HMCN1: variants seen among roughly 807,000 people sequenced by gnomAD.
The protein encoded by HMCN1 is hemicentin 1, also known as hemicentin-1.
Under a neutral mutation model 625.9 loss-of-function variants are expected in HMCN1, and 321 were observed. That is an observed-to-expected ratio of 0.51 (90% confidence interval 0.47 to 0.56). HMCN1 has a LOEUF of 0.56. HMCN1 is among the 20% of genes least tolerant of loss of function. The pLI is 0.00. For missense variants in HMCN1, 6,588 were observed against 6,887.3 expected, an observed-to-expected ratio of 0.96 and a Z score of 1.54; for synonymous variants, 2,425 against 2,417.6, an observed-to-expected ratio of 1.00 and a Z score of -0.09.
chr1:186,048,768 C>G lies in HMCN1; in HGVS notation c.6506C>G (p.Thr2169Ser). 1.2e-6 allele frequency: 2 copies of G among 1,610,504 alleles called. No homozygotes were observed. Among genetic ancestry groups the G allele is most frequent in the Non-Finnish European group, 1.7e-6 (2 of 1,177,206 alleles). Reference sequence around the variant, plus strand: ...ATTGAAGATGCTCAGGTTCAAGACACTGGTCGTTACACTTGTGAAGCAACA... The same window carrying G: ...ATTGAAGATGCTCAGGTTCAAGACAGTGGTCGTTACACTTGTGAAGCAACA... ...LKIEDAQVQD[T>S]GRYTCEATNV... The change falls in exon 42 of 107, where the codon ACT becomes AGT. Residue 2169 changes from threonine (T) to serine (S), a missense_variant. By Grantham distance (58) the Thr-to-Ser change is moderately conservative. Transcript: ENST00000271588.
In HMCN1 at chr1:186,144,168, T is replaced by G; in HGVS notation, c.13925-5T>G. ...ACTTGCAACTGTCTTTTGGGGTGTT[T>G]GCAGTTCATGGAGCATGGAGCGCTT... On this transcript the variant is annotated splice_region_variant and splice_polypyrimidine_tract_variant and intron_variant, in intron 89 of 106. Transcript: ENST00000271588. 1 of 1,587,768 alleles carries G rather than the reference T, an allele frequency of 6.3e-7. No individual in the cohort carries two copies. The highest frequency in any genetic ancestry group is 8.6e-7 in the Non-Finnish European group (1 of 1,168,506).
At chr1:185,925,002 C>T in intron 8 of HMCN1, 45 bp from the exon 9 acceptor site, 2 of 1,532,636 alleles carry the variant, frequency 1.3e-6, no homozygotes, top group South Asian at 1.2e-5. Context: ...TCATTGTGAC[C>T]TTCTTGCTTA....
intron 1 of HMCN1, among the ~76,000 whole-genome samples, chr1:185,809,395 A>C (rs1277563861): frequency 6.6e-6 from 1 of 152,006 alleles, no homozygotes; most frequent in Non-Finnish European, 1.5e-5. Context: ...CACAACATAC[A>C]TGTGATTATA....
Position 186,125,741 on chromosome 1 carries a change from T to C in HMCN1, c.12637T>C (p.Leu4213=). ...KKDNVLLANL[L]GKYTAEPYGE... is the part of the protein sequence containing the mutation. ...AGACAATGTTCTTTTAGCTAACTTG[T>C]TAGGAAAATACACTGCTGAACCATA... is the stretch of plus-strand genomic sequence containing the variant. Residue 4213 remains leucine (L), a synonymous_variant, in exon 82 of 107, where the codon TTA becomes CTA. Transcript: ENST00000271588. The C allele has an allele frequency of 1.2e-6, 2 of 1,613,496 alleles. No homozygotes were observed. Among genetic ancestry groups the C allele is most frequent in the Non-Finnish European group, 1.7e-6 (2 of 1,179,516 alleles).
Position 186,082,949 on chromosome 1 carries a change from C to A in HMCN1, c.8872C>A (p.Leu2958Ile). ...TAGSAKKYFN[L>I]NVHVPPSVIG... Reference sequence around the variant, plus strand: ...TGGGAGTGCCAAAAAATATTTTAACCTCAATGTTCATGGTAAGAGCTCAGT... The same window carrying A: ...TGGGAGTGCCAAAAAATATTTTAACATCAATGTTCATGGTAAGAGCTCAGT... Residue 2958 changes from leucine to isoleucine, a missense_variant, in exon 57 of 107, where the codon CTC becomes ATC. Physicochemically the swap from Leu to Ile is conservative, Grantham distance 5 (BLOSUM62 2). Transcript: ENST00000271588. 1.3e-6 allele frequency: 2 copies of A among 1,585,204 alleles called. No individual in the cohort carries two copies. Among genetic ancestry groups the A allele is most frequent in the Non-Finnish European group, 1.7e-6 (2 of 1,161,526 alleles).
intron 86 of HMCN1, among the ~76,000 whole-genome samples, chr1:186,136,082 C>T (rs956932506): frequency 2.0e-5 from 3 of 151,660 alleles, no homozygotes; most frequent in Admixed American, 6.6e-5. Context: ...AGGCTGAGGC[C>T]GGAGAATTGC....
intron 41 of HMCN1, among the ~76,000 whole-genome samples, chr1:186,046,548 A>G (rs1343427281): frequency 2.0e-5 from 3 of 152,128 alleles, no homozygotes; most frequent in Non-Finnish European, 2.9e-5. Context: ...ATACATAACA[A>G]ATTAACAATT....
At chr1:185,843,704 A>G (rs1661634198) in intron 1 of HMCN1, among the ~76,000 whole-genome samples, 1 of 152,224 alleles carries the variant, frequency 6.6e-6, no homozygotes, top group Non-Finnish European at 1.5e-5. Flanking sequence ...CTGGAGGGAT[A>G]GGGCAGCTGG....
chr1:185,995,464 T>C (rs1226518098), intron 24 of HMCN1, among the ~76,000 whole-genome samples: 1 of 152,118 alleles, frequency 6.6e-6, no homozygotes, highest in East Asian at 1.9e-4. Context: ...CTAGGTCCAC[T>C]ACTTCTCTAT....
intron 1 of HMCN1, among the ~76,000 whole-genome samples, chr1:185,809,087 C>T (rs1324436720): frequency 6.6e-6 from 1 of 152,084 alleles, no homozygotes; most frequent in Non-Finnish European, 1.5e-5. Flanking sequence ...ACTTTTCTCC[C>T]AAAGGACATA....
chr1:186,124,426 T>G (rs7543494), intron 81 of HMCN1, among the ~76,000 whole-genome samples: 92,726 of 151,902 alleles, frequency 0.61, 29,945 homozygotes, highest in African/African-American at 0.84. Flanking sequence ...AAGAACTGAA[T>G]TAAATATACT....
intron 30 of HMCN1, 141 bp from the exon 31 acceptor site, chr1:186,015,018 C>G: frequency 1.4e-6 from 1 of 727,244 alleles, no homozygotes; most frequent in South Asian, 1.8e-5. Context: ...AGAGGAAACT[C>G]ATTATCAGGA....
At chr1:185,902,285 G>C (rs1665846453) in intron 4 of HMCN1, among the ~76,000 whole-genome samples, 1 of 151,118 alleles carries the variant, frequency 6.6e-6, no homozygotes, top group South Asian at 2.1e-4. Context: ...TTATGGAAGA[G>C]AGGATACCTC....
At chr1:185,859,900 A>G (rs944714343) in intron 2 of HMCN1, among the ~76,000 whole-genome samples, 2 of 151,798 alleles carry the variant, frequency 1.3e-5, no homozygotes, top group Non-Finnish European at 2.9e-5. Context: ...CGAACTCCTG[A>G]GCTCAGGCAG....
intron 52 of HMCN1, among the ~76,000 whole-genome samples, chr1:186,072,230 G>GTTTGT (rs1558196504): frequency 1.3e-5 from 2 of 152,076 alleles, no homozygotes; most frequent in African/African-American, 4.8e-5. Context: ...TTCAAGAAAA[G>GTTTGT]AAACACAAAA....
rs78834440 is a variant in HMCN1, at chr1:186,156,973, G to T, written c.15256+2986G>T. On this transcript the variant is annotated intron_variant, in intron 97 of 106. Coordinates refer to ENST00000271588, the MANE Select transcript of HMCN1 (RefSeq NM_031935.3). ...TGAGCCAAACCTGGGTTGCACACCC[G>T]TGGGTGATTATAAGAAAATCTTTAC... 1.1e-3 allele frequency among the ~76,000 whole-genome samples: 166 copies of T among 152,258 alleles called. 2 individuals carry two copies. The highest frequency in any genetic ancestry group is 5.6e-3 in the East Asian group (29 of 5,184).
At chr1:186,065,121 G>A (rs936922502) in intron 48 of HMCN1, 117 bp from the exon 49 acceptor site, 15 of 708,332 alleles carry the variant, frequency 2.1e-5, no homozygotes, top group Non-Finnish European at 3.7e-5. Flanking sequence ...AATGATTACT[G>A]CCGTGTTTTA....
chr1:185,790,495 G>A (rs549885789), intron 1 of HMCN1, among the ~76,000 whole-genome samples: 1 of 152,304 alleles, frequency 6.6e-6, no homozygotes, highest in East Asian at 1.9e-4. Context: ...ATGCAGTTGT[G>A]ACTCTTTCTC....
chr1:185,818,582 A>G (rs1001034637), intron 1 of HMCN1, among the ~76,000 whole-genome samples: 2 of 152,174 alleles, frequency 1.3e-5, no homozygotes, highest in Admixed American at 6.5e-5. Flanking sequence ...CTTCTTTGAT[A>G]TAATACAATA....
Sources: gnomAD v4.1 joint callset for allele counts (sites outside exome capture counted in the v4.1 genomes callset) on GRCh38, gnomAD v4.1.1 for gene constraint, MANE v1.5 for transcripts, NCBI Gene and HGNC (gene_info 2026-07-23, HGNC 2026-07-21) for gene names.